Variants in SH3RF1 observed in about 807,000 individuals in gnomAD.
The protein encoded by SH3RF1 is SH3 domain containing ring finger 1, also known as E3 ubiquitin-protein ligase SH3RF1.
Under a neutral mutation model 74.0 loss-of-function variants are expected in SH3RF1, and 32 were observed. The observed-to-expected ratio is 0.43, with a 90% CI of 0.33 to 0.58. The LOEUF is 0.58. Ranked by LOEUF, SH3RF1 falls within the 20% of genes least tolerant of loss-of-function variation. SH3RF1 has a pLI of 0.05. For synonymous variants in SH3RF1, 396 were observed against 439.6 expected (o/e 0.90, Z 1.24); for missense variants, 954 against 1,130.9 (o/e 0.84, Z 2.24).
chr4:169,108,523 G>C (rs1388086151), intron 10 of SH3RF1, among the ~76,000 whole-genome samples: 1 of 152,162 alleles, frequency 6.6e-6, no homozygotes, highest in Non-Finnish European at 1.5e-5. Context: ...CTATGGGCTA[G>C]AAATGGGAAG....
chr4:169,230,307 A>G (rs1383255179), intron 2 of SH3RF1, among the ~76,000 whole-genome samples: 3 of 152,254 alleles, frequency 2.0e-5, no homozygotes, highest in Non-Finnish European at 4.4e-5. Flanking sequence ...TATCTGATTC[A>G]AAATACTGAC....
intron 2 of SH3RF1, among the ~76,000 whole-genome samples, chr4:169,175,737 G>T (rs1244577466): frequency 6.6e-6 from 1 of 152,112 alleles, no homozygotes; most frequent in African/African-American, 2.4e-5. Context: ...AAACTGTCTT[G>T]TTCAACAGAG....
At chr4:169,167,781 G>T (rs1047186362) in intron 2 of SH3RF1, among the ~76,000 whole-genome samples, 9 of 152,062 alleles carry the variant, frequency 5.9e-5, no homozygotes, top group Admixed American at 5.2e-4. Flanking sequence ...CTTGACGGAG[G>T]TGTTAGTTAT....
intron 2 of SH3RF1, among the ~76,000 whole-genome samples, chr4:169,268,440 A>G (rs1229510809): frequency 6.6e-6 from 1 of 152,208 alleles, no homozygotes; most frequent in African/African-American, 2.4e-5. Context: ...CAACATATAT[A>G]CTACATATGT....
rs185406175 is a variant in SH3RF1 at position 169,099,849 on chromosome 4, G to T, written c.2499-3162C>A. Among the ~76,000 whole-genome samples, 4 of 152,242 alleles carry T rather than the reference G, an allele frequency of 2.6e-5. No homozygotes were observed. In the East Asian group the frequency reaches 7.7e-4, roughly 29 times the overall value. On this transcript the variant is annotated intron_variant, in intron 11 of 11. Coordinates refer to ENST00000284637, the MANE Select transcript of SH3RF1 (RefSeq NM_020870.4). ...GCTAAGTTTTATAAACCTCTGGGGG[G>T]GCGGGTGGAATGAGAAACTATGTGC...
At chr4:169,135,869 T>C (rs1159982223) in intron 5 of SH3RF1, among the ~76,000 whole-genome samples, 1 of 152,208 alleles carries the variant, frequency 6.6e-6, no homozygotes, top group Non-Finnish European at 1.5e-5. Flanking sequence ...CTTTTTCTCT[T>C]CTCTATAATT....
At chr4:169,212,069 T>G (rs919527149) in intron 2 of SH3RF1, among the ~76,000 whole-genome samples, 97 of 135,512 alleles carry the variant, frequency 7.2e-4, no homozygotes, top group Non-Finnish European at 5.4e-4. Context: ...TTTTTTTTTT[T>G]TTTTTTTTTT....
intron 2 of SH3RF1, among the ~76,000 whole-genome samples, chr4:169,254,635 T>G (rs1731156540): frequency 6.6e-6 from 1 of 152,096 alleles, no homozygotes; most frequent in African/African-American, 2.4e-5. Flanking sequence ...ATCTGAGATC[T>G]AGGCAAAGCA....
chr4:169,186,371 T>C (rs929080592), intron 2 of SH3RF1, among the ~76,000 whole-genome samples: 2 of 152,060 alleles, frequency 1.3e-5, no homozygotes, highest in Admixed American at 1.3e-4. Flanking sequence ...ACGAATTTAT[T>C]TGGGCAGTAT....
At chr4:169,180,552 G>C (rs1043839120) in intron 2 of SH3RF1, among the ~76,000 whole-genome samples, 1 of 152,226 alleles carries the variant, frequency 6.6e-6, no homozygotes, top group Admixed American at 6.5e-5. Context: ...GACTAACGCA[G>C]AGTAAACAAG....
chr4:169,248,311 A>G (rs1731042702), intron 2 of SH3RF1, among the ~76,000 whole-genome samples: 1 of 152,234 alleles, frequency 6.6e-6, no homozygotes, highest in South Asian at 2.1e-4. Context: ...TGCAGCCATA[A>G]AAAAGAATGA....
At chr4:169,152,595 G>T (rs1454744734) in intron 4 of SH3RF1, among the ~76,000 whole-genome samples, 3 of 152,112 alleles carry the variant, frequency 2.0e-5, no homozygotes, top group Non-Finnish European at 4.4e-5. Context: ...AAATTAGCCG[G>T]ACGTGGTGGT....
chr4:169,147,952 AAAT>A (rs201613449), intron 4 of SH3RF1, among the ~76,000 whole-genome samples: 2,248 of 152,268 alleles, frequency 0.015, 24 homozygotes, highest in Non-Finnish European at 0.022. Flanking sequence ...TAAAATATTT[AAAT>A]AATAAAAATA....
chr4:169,146,346 C>T (rs1733894198), intron 4 of SH3RF1, among the ~76,000 whole-genome samples: 1 of 151,028 alleles, frequency 6.6e-6, no homozygotes, highest in Admixed American at 6.6e-5. Context: ...TCTCCTGCCT[C>T]AGCCTCCTGA....
At position 169,120,970 on chromosome 4, in the gene SH3RF1, A is replaced by G; in HGVS notation, c.1366T>C (p.Tyr456His). 1.2e-6 allele frequency: 2 copies of G among 1,613,848 alleles called. No individual in the cohort carries two copies. The highest frequency in any genetic ancestry group is 1.7e-6 in the Non-Finnish European group (2 of 1,179,714). Residue 456 changes from tyrosine (Y) to histidine (H), a missense_variant, in exon 8 of 12, where the codon TAC becomes CAC. Transcript: ENST00000284637. ...AGTTCATCCTCTTTCCGAGGAGTGT[A>G]TGGATATATAGCAACATACCTAGAA... ...RPSVYVAIYP[Y>H]TPRKEDELEL...
At chr4:169,219,304 C>T (rs1730523405) in intron 2 of SH3RF1, among the ~76,000 whole-genome samples, 1 of 152,024 alleles carries the variant, frequency 6.6e-6, no homozygotes, top group Admixed American at 6.6e-5. Flanking sequence ...TCTGTTCAAT[C>T]AATATAAGGA....
At chr4:169,220,309 T>A (rs1401826666) in intron 2 of SH3RF1, 1 of 152,258 alleles carries the variant, frequency 6.6e-6, no homozygotes, top group Non-Finnish European at 1.5e-5. Context: ...AGCTGACACT[T>A]CACATGAAGA....
chr4:169,230,224 A>G (rs1445215175), intron 2 of SH3RF1, among the ~76,000 whole-genome samples: 1 of 152,134 alleles, frequency 6.6e-6, no homozygotes, highest in African/African-American at 2.4e-5. Flanking sequence ...ATAAAAAACA[A>G]TGTTTAATTC....
At chr4:169,128,888 G>A (rs1451961637) in intron 6 of SH3RF1, among the ~76,000 whole-genome samples, 1 of 152,138 alleles carries the variant, frequency 6.6e-6, no homozygotes, top group Admixed American at 6.6e-5. Context: ...GGCCCAACTT[G>A]CAACAGCCCT....
Sources: gnomAD v4.1 joint callset for allele counts (sites outside exome capture counted in the v4.1 genomes callset) on GRCh38, gnomAD v4.1.1 for gene constraint, MANE v1.5 for transcripts, NCBI Gene and HGNC (gene_info 2026-07-23, HGNC 2026-07-21) for gene names.